The following PLEKHA3 variants were observed in gnomAD, a reference collection of about 807,000 sequenced individuals.
The protein encoded by PLEKHA3 is pleckstrin homology domain-containing family A member 3.
In PLEKHA3, 19 loss-of-function variants were observed where a neutral mutation model predicts 39.2. The observed-to-expected ratio is 0.48, with a 90% CI of 0.34 to 0.71. PLEKHA3 has a LOEUF of 0.71. Ranked by LOEUF, PLEKHA3 falls within the 30% of genes least tolerant of loss-of-function variation. PLEKHA3 has a pLI of 0.01. For missense variants in PLEKHA3, 253 were observed against 359.5 expected, an observed-to-expected ratio of 0.70 and a Z score of 2.40; for synonymous variants, 97 against 118.6, an observed-to-expected ratio of 0.82 and a Z score of 1.18.
Position 178,505,675 on chromosome 2 carries a change from T to C in PLEKHA3, c.*1788T>C, listed in dbSNP as rs1333595161. On this transcript the variant is annotated 3_prime_UTR_variant, in exon 8 of 8. Transcript: ENST00000234453. ...GTGAGTTTTTTTGCAGTAATAGGTT[T>C]ATAAGGAAAACACCGTAACAAGCTT... 1 of 151,812 alleles carries C rather than the reference T, an allele frequency of 6.6e-6. No homozygotes were observed. The highest frequency in any genetic ancestry group is 1.5e-5 in the Non-Finnish European group (1 of 67,862). The allele number at this position is 151,812 out of a possible 1,614,324, so 9.4% of individuals were successfully genotyped here. A position where few individuals can be genotyped will look rare whatever the true frequency, so the allele number is the denominator to read the frequency against.
At chr2:178,491,238 C>T (rs529199389) in intron 3 of PLEKHA3, among the ~76,000 whole-genome samples, 9 of 152,084 alleles carry the variant, frequency 5.9e-5, no homozygotes, top group Admixed American at 3.9e-4. Context: ...CTCGAATTCC[C>T]GACCTCAGGT....
In PLEKHA3 at chr2:178,508,203, T is replaced by A. The variant is rs1291266228; in HGVS notation, c.*4316T>A. 6.5e-6 allele frequency: 1 copy of A among 153,430 alleles called. No individual in the cohort carries two copies. The highest frequency in any genetic ancestry group is 6.6e-5 in the Admixed American group (1 of 15,246). 9.5% of individuals were successfully genotyped at this position (153,430 alleles called of 1,614,324 possible). Reference sequence around the variant, plus strand: ...ACCGCCTCTAAATTTAAAAAGCTTTTTCTCTCTAGTTGTTCCTTAAGTTAT... The same window carrying A: ...ACCGCCTCTAAATTTAAAAAGCTTTATCTCTCTAGTTGTTCCTTAAGTTAT... On this transcript the variant is annotated 3_prime_UTR_variant, in exon 8 of 8. Coordinates refer to ENST00000234453, the MANE Select transcript of PLEKHA3 (RefSeq NM_019091.4).
intron 2 of PLEKHA3, among the ~76,000 whole-genome samples, chr2:178,489,451 CT>C (rs71023445): frequency 0.18 from 14,781 of 82,720 alleles, 423 homozygotes; most frequent in Middle Eastern, 0.3. Flanking sequence ...TCTTTTCCTT[CT>C]TTTTTTTTTT....
chr2:178,494,906 C>CTT (rs143346176), intron 4 of PLEKHA3, among the ~76,000 whole-genome samples: 28 of 122,248 alleles, frequency 2.3e-4, no homozygotes, highest in African/African-American at 3.0e-4. Context: ...AACTTCTCAT[C>CTT]TTTTTTTTTT....
Position 178,494,161 on chromosome 2 carries a change from G to A in PLEKHA3, c.450+172G>A, listed in dbSNP as rs373727921. Among the ~76,000 whole-genome samples the A allele has an allele frequency of 1.3e-3, 191 of 152,292 alleles. 1 individual carries two copies. The highest frequency in any genetic ancestry group is 2.4e-3 in the Non-Finnish European group (166 of 68,028). ...CTGTAGCATCTTCTCGATTGTGTCTGTGTGGCCAGAGAAGAACATGAAGTA... is the reference window on the plus strand; with the variant it reads ...CTGTAGCATCTTCTCGATTGTGTCTATGTGGCCAGAGAAGAACATGAAGTA... On this transcript the variant is annotated intron_variant, in intron 4 of 7. Coordinates refer to ENST00000234453, the MANE Select transcript of PLEKHA3 (RefSeq NM_019091.4).
intron 2 of PLEKHA3, among the ~76,000 whole-genome samples, chr2:178,487,724 G>A (rs1241314633): frequency 1.3e-5 from 2 of 152,324 alleles, no homozygotes; most frequent in East Asian, 1.9e-4. Flanking sequence ...AATTACTGGT[G>A]TTAGCCACTG....
rs139730116 is a variant in PLEKHA3 at position 178,498,754 on chromosome 2, C to T, written c.616-457C>T. 1.0e-3 allele frequency among the ~76,000 whole-genome samples: 154 copies of T among 152,086 alleles called. 2 individuals carry two copies. The highest frequency in any genetic ancestry group is 3.5e-3 in the African/African-American group (147 of 41,500). ...ACACTTTAGAACATTTGTATATCAG[C>T]TACCTAAATAATTAATGATAAAGAG... On this transcript the variant is annotated intron_variant, in intron 5 of 7. Coordinates refer to ENST00000234453, the MANE Select transcript of PLEKHA3 (RefSeq NM_019091.4).
At chr2:178,484,745 G>A (rs770903182) in intron 1 of PLEKHA3, among the ~76,000 whole-genome samples, 3 of 152,246 alleles carry the variant, frequency 2.0e-5, no homozygotes, top group Non-Finnish European at 2.9e-5. Flanking sequence ...TCAGTGAACT[G>A]TTGTAAATTA....
At chr2:178,495,688 C>T in intron 5 of PLEKHA3, 28 bp downstream of exon 5, 3 of 1,575,684 alleles carry the variant, frequency 1.9e-6, no homozygotes, top group Non-Finnish European at 1.7e-6. Context: ...TGGTTTTTTC[C>T]CTCAGTAGTA....
Position 178,499,064 on chromosome 2 carries a change from G to C in PLEKHA3, c.616-147G>C, listed in dbSNP as rs899536510. The C allele has an allele frequency of 1.7e-5, 11 of 653,692 alleles. No homozygotes were observed. The African/African-American group carries it at 1.8e-4, about 10-fold the overall frequency. The allele number at this position is 653,692 out of a possible 1,614,324, so 40.5% of individuals were successfully genotyped here. On this transcript the variant is annotated intron_variant, in intron 5 of 7. Transcript: ENST00000234453. ...ATGTTGTACTAATTATGTTGCTTGA[G>C]TCTGTGAAAGATTAAATTTTTTTTT...
In PLEKHA3 at chr2:178,506,449, A is replaced by G. The variant is rs1258155729; in HGVS notation, c.*2562A>G. 1 of 152,234 alleles carries G rather than the reference A, an allele frequency of 6.6e-6. No individual in the cohort carries two copies. The allele number at this position is 152,234 out of a possible 1,614,324, so 9.4% of individuals were successfully genotyped here. A position where few individuals can be genotyped will look rare whatever the true frequency, so the allele number is the denominator to read the frequency against. On this transcript the variant is annotated 3_prime_UTR_variant, in exon 8 of 8. Transcript: ENST00000234453. ...TGGGATTATTGCATGATCTTCAGTC[A>G]GGAAAAATCCAGAAATGGATGCTAT...
At chr2:178,489,451 CTTTT>C (rs71023445) in intron 2 of PLEKHA3, among the ~76,000 whole-genome samples, 1 of 82,370 alleles carries the variant, frequency 1.2e-5, no homozygotes, top group Non-Finnish European at 2.2e-5. Flanking sequence ...TCTTTTCCTT[CTTTT>C]TTTTTTTTTT....
rs1685566302 is a variant in PLEKHA3, at chr2:178,503,775, CA to C, written c.797del (p.Asn266IlefsTer45). The C allele has an allele frequency of 6.2e-7, 1 of 1,611,246 alleles. No homozygotes were observed. Among genetic ancestry groups the C allele is most frequent in the African/African-American group, 1.3e-5 (1 of 74,784 alleles). On this transcript the variant is annotated frameshift_variant, in exon 8 of 8. Transcript: ENST00000234453. LOFTEE classifies it high-confidence loss of function. ...LEDPDRPVHC[S>X]KNTLNGDLAS... ...GTCTTCATAGGACCTGTTCACTGTT[CA>C]AAAAATACACTTAATGGAGATTTGG...
In PLEKHA3 at chr2:178,507,001, A is replaced by G. The variant is rs1575148681; in HGVS notation, c.*3114A>G. 6.6e-6 allele frequency: 1 copy of G among 152,022 alleles called. No homozygotes were observed. The highest frequency in any genetic ancestry group is 1.5e-5 in the Non-Finnish European group (1 of 67,998). 9.4% of individuals were successfully genotyped at this position (152,022 alleles called of 1,614,324 possible). A position where few individuals can be genotyped will look rare whatever the true frequency, so the allele number is the denominator to read the frequency against. ...CTTTTTATTAAACTAGTTAATGTAC[A>G]TAGTTTGAAAAAATCAAATAGAACT... On this transcript the variant is annotated 3_prime_UTR_variant, in exon 8 of 8. Coordinates refer to ENST00000234453, the MANE Select transcript of PLEKHA3 (RefSeq NM_019091.4).
chr2:178,492,077 AC>A (rs1237910191), intron 3 of PLEKHA3, among the ~76,000 whole-genome samples: 1 of 152,032 alleles, frequency 6.6e-6, no homozygotes, highest in Non-Finnish European at 1.5e-5. Context: ...CGATATTCAA[AC>A]CATAGTACAG....
At position 178,511,294 on chromosome 2, in the gene PLEKHA3, C is replaced by T. The variant is rs942378957; in HGVS notation, c.*7407C>T. ...CTTGATGCTGGCATTTTCTTCTTTCCCTGGATGTGACTGTTATTGTCTTTA... is the reference window on the plus strand; with the variant it reads ...CTTGATGCTGGCATTTTCTTCTTTCTCTGGATGTGACTGTTATTGTCTTTA... On this transcript the variant is annotated 3_prime_UTR_variant, in exon 8 of 8. Transcript: ENST00000234453. 3 of 152,070 alleles carry T rather than the reference C, an allele frequency of 2.0e-5. No homozygotes were observed. The highest frequency in any genetic ancestry group is 1.5e-5 in the Non-Finnish European group (1 of 68,028). 9.4% of individuals were successfully genotyped at this position (152,070 alleles called of 1,614,324 possible).
intron 5 of PLEKHA3, among the ~76,000 whole-genome samples, chr2:178,497,819 C>T (rs1394793598): frequency 6.6e-6 from 1 of 151,868 alleles, no homozygotes; most frequent in Non-Finnish European, 1.5e-5. Flanking sequence ...TCAGGAAATC[C>T]CTTATGTTAC....
chr2:178,495,949 T>C (rs1294115637), intron 5 of PLEKHA3, among the ~76,000 whole-genome samples: 1 of 152,174 alleles, frequency 6.6e-6, no homozygotes, highest in Non-Finnish European at 1.5e-5. Context: ...TACAAAGTGC[T>C]GTGACAAAGA....
rs1685677932 is a variant in PLEKHA3, at chr2:178,511,120, C to G, written c.*7233C>G. 6.6e-6 allele frequency: 1 copy of G among 152,148 alleles called. No homozygotes were observed. Among genetic ancestry groups the G allele is most frequent in the Non-Finnish European group, 1.5e-5 (1 of 68,020 alleles). The allele number at this position is 152,148 out of a possible 1,614,324, so 9.4% of individuals were successfully genotyped here. On this transcript the variant is annotated 3_prime_UTR_variant, in exon 8 of 8. Coordinates refer to ENST00000234453, the MANE Select transcript of PLEKHA3 (RefSeq NM_019091.4). ...GGAGTAGGTAACCATACTACTCTTTCTACGGCTACAGAGCCGCATACTCGA... is the reference window on the plus strand; with the variant it reads ...GGAGTAGGTAACCATACTACTCTTTGTACGGCTACAGAGCCGCATACTCGA...
Sources: gnomAD v4.1 joint callset for allele counts (sites outside exome capture counted in the v4.1 genomes callset) on GRCh38, gnomAD v4.1.1 for gene constraint, MANE v1.5 for transcripts, NCBI Gene and HGNC (gene_info 2026-07-23, HGNC 2026-07-21) for gene names.